The following TOP6BL variants were observed in gnomAD, a reference collection of about 807,000 sequenced individuals.
The protein encoded by TOP6BL is type 2 DNA topoisomerase 6 subunit B-like.
At chr11:66,830,457 A>G in the TOP6BL span, among the ~76,000 whole-genome samples, 1 of 152,182 alleles carries the variant, frequency 6.6e-6, no homozygotes, top group Non-Finnish European at 1.5e-5. Flanking sequence ...GCTCAAATCC[A>G]TGAGATCACT....
chr11:66,833,277 A>G, the TOP6BL span, among the ~76,000 whole-genome samples: 1 of 151,742 alleles, frequency 6.6e-6, no homozygotes, highest in African/African-American at 2.4e-5. Flanking sequence ...TCGAACTCCT[A>G]GCCTTAGGTG....
chr11:66,792,839 A>G, the TOP6BL span, among the ~76,000 whole-genome samples: 53 of 152,282 alleles, frequency 3.5e-4, no homozygotes, highest in Middle Eastern at 0.017. Flanking sequence ...GATACGCCCT[A>G]TAATCACCAA....
the TOP6BL span, among the ~76,000 whole-genome samples, chr11:66,757,884 G>A: frequency 3.9e-5 from 6 of 152,154 alleles, no homozygotes; most frequent in East Asian, 1.9e-4. Flanking sequence ...CACCATACCC[G>A]GCTGGAACTA....
At chr11:66,767,818 T>A in the TOP6BL span, among the ~76,000 whole-genome samples, 1 of 152,120 alleles carries the variant, frequency 6.6e-6, no homozygotes, top group Non-Finnish European at 1.5e-5. Context: ...GGAGGCAGGG[T>A]CTTGCTCTGT....
At chr11:66,820,227 G>C in the TOP6BL span, among the ~76,000 whole-genome samples, 1 of 152,152 alleles carries the variant, frequency 6.6e-6, no homozygotes, top group East Asian at 1.9e-4. Context: ...TCCAGCTCCA[G>C]AATCCTTTTG....
At chr11:66,829,068 CAA>C in the TOP6BL span, among the ~76,000 whole-genome samples, 5 of 33,110 alleles carry the variant, frequency 1.5e-4, no homozygotes, top group African/African-American at 2.2e-4. Flanking sequence ...GCCTCTGTCT[CAA>C]AAAAAAAAAA....
chr11:66,755,218 T>G, the TOP6BL span, among the ~76,000 whole-genome samples: 3 of 152,108 alleles, frequency 2.0e-5, no homozygotes, highest in African/African-American at 7.2e-5. Context: ...CCTCCTGGGT[T>G]CAAGAGGTTC....
At chr11:66,807,151 A>G in the TOP6BL span, among the ~76,000 whole-genome samples, 1 of 152,224 alleles carries the variant, frequency 6.6e-6, no homozygotes, top group South Asian at 2.1e-4. Context: ...TAAGGAGGTG[A>G]TGTTTTAAAA....
the TOP6BL span, among the ~76,000 whole-genome samples, chr11:66,757,562 G>C: frequency 1.3e-5 from 2 of 152,132 alleles, no homozygotes; most frequent in Admixed American, 1.3e-4. Flanking sequence ...TGGAGTGCTT[G>C]AAATGTGGCT....
the TOP6BL span, chr11:66,795,943 G>C: frequency 5.3e-6 from 1 of 188,724 alleles, no homozygotes; most frequent in African/African-American, 2.3e-5. Context: ...AATACAGATT[G>C]TTCCAAAGCA....
At chr11:66,810,471 C>G in the TOP6BL span, among the ~76,000 whole-genome samples, 14 of 152,180 alleles carry the variant, frequency 9.2e-5, no homozygotes, top group African/African-American at 3.4e-4. Flanking sequence ...TAAGGATGTT[C>G]CTGGGAGACA....
the TOP6BL span, chr11:66,748,603 TATC>T: frequency 2.9e-6 from 3 of 1,037,198 alleles, no homozygotes; most frequent in South Asian, 3.9e-5. Flanking sequence ...TAGAATCTTT[TATC>T]ATGTTATTCC....
At chr11:66,823,352 T>TA in the TOP6BL span, among the ~76,000 whole-genome samples, 21 of 151,894 alleles carry the variant, frequency 1.4e-4, no homozygotes, top group Admixed American at 1.4e-3. Flanking sequence ...CTTATCTTTG[T>TA]AAAATGTACA....
chr11:66,760,980 ATTAC>A, the TOP6BL span, among the ~76,000 whole-genome samples: 1 of 148,332 alleles, frequency 6.7e-6, no homozygotes, highest in Non-Finnish European at 1.5e-5. Flanking sequence ...CAACTCAATT[ATTAC>A]TTAAAGCACC....
the TOP6BL span, among the ~76,000 whole-genome samples, chr11:66,787,859 C>T: frequency 2.6e-5 from 4 of 152,058 alleles, no homozygotes; most frequent in Non-Finnish European, 4.4e-5. Context: ...TCAGAACTAT[C>T]AGTTCTGAAG....
chr11:66,803,787 A>C, the TOP6BL span, among the ~76,000 whole-genome samples: 1 of 152,170 alleles, frequency 6.6e-6, no homozygotes, highest in Non-Finnish European at 1.5e-5. Flanking sequence ...AAGCAGGAGC[A>C]ATGATATCTC....
At chr11:66,806,362 A>C in the TOP6BL span, among the ~76,000 whole-genome samples, 1 of 152,236 alleles carries the variant, frequency 6.6e-6, no homozygotes, top group East Asian at 1.9e-4. Context: ...AGAATTAAGT[A>C]TAATAATCCA....
At chr11:66,833,029 A>G in the TOP6BL span, among the ~76,000 whole-genome samples, 1 of 147,442 alleles carries the variant, frequency 6.8e-6, no homozygotes, top group Non-Finnish European at 1.5e-5. Context: ...CTGTCTCTCA[A>G]ATCTTTCTGC....
At chr11:66,780,348 G>C in the TOP6BL span, among the ~76,000 whole-genome samples, 1 of 151,962 alleles carries the variant, frequency 6.6e-6, no homozygotes, top group Non-Finnish European at 1.5e-5. Flanking sequence ...ATGATTTCTG[G>C]TGCTCTTCAT....
Sources: allele counts gnomAD v4.1 joint callset (sites outside exome capture counted in the v4.1 genomes callset), GRCh38; gene constraint gnomAD v4.1.1; transcripts MANE v1.5; gene names NCBI Gene and HGNC (gene_info 2026-07-23, HGNC 2026-07-21).